The following KIF21A variants were observed in gnomAD, a reference collection of about 807,000 sequenced individuals.
KIF21A encodes the protein kinesin family member 21A.
Under a neutral mutation model 202.9 loss-of-function variants are expected in KIF21A, and 114 were observed. That is an observed-to-expected ratio of 0.56 (90% CI 0.48 to 0.66). KIF21A has a LOEUF of 0.66. Among genes scored for constraint, KIF21A ranks in the 30% least tolerant of loss-of-function variants. The pLI is 0.00. For synonymous variants in KIF21A, 667 were observed against 670.8 expected (o/e 0.99, Z 0.09); for missense variants, 1,677 against 1,994.9 (o/e 0.84, Z 3.04).
intron 31 of KIF21A, among the ~76,000 whole-genome samples, chr12:39,313,778 AAGAC>A (rs1325665195): frequency 2.0e-5 from 3 of 151,934 alleles, no homozygotes; most frequent in African/African-American, 7.2e-5. Flanking sequence ...TTTCAGGAGA[AAGAC>A]AGCGATAGAC....
Position 39,293,816 on chromosome 12 carries a change from T to C in KIF21A, c.*608A>G, listed in dbSNP as rs533862980. 3 of 153,260 alleles carry C rather than the reference T, an allele frequency of 2.0e-5. No homozygotes were observed. Among genetic ancestry groups the C allele is most frequent in the South Asian group, 2.1e-4 (1 of 4,852 alleles). The allele number at this position is 153,260 out of a possible 1,614,324, so 9.5% of individuals were successfully genotyped here. On this transcript the variant is annotated 3_prime_UTR_variant, in exon 38 of 38. Coordinates refer to ENST00000361418, the MANE Select transcript of KIF21A (RefSeq NM_001173464.2). ...CAAAACTTTGGTCAATACAAGTAAA[T>C]GCCAACATTTAACACAAACTGTCTA... is the stretch of plus-strand genomic sequence containing the variant.
intron 32 of KIF21A, among the ~76,000 whole-genome samples, chr12:39,311,120 C>T (rs1428849925): frequency 2.0e-5 from 3 of 151,876 alleles, no homozygotes; most frequent in Admixed American, 1.3e-4. Context: ...ATTTAAATAG[C>T]CTTTTATAGA....
chr12:39,296,668 G>A (rs995419672), intron 37 of KIF21A, among the ~76,000 whole-genome samples: 8 of 152,188 alleles, frequency 5.3e-5, no homozygotes, highest in African/African-American at 1.7e-4. Flanking sequence ...AACATTCCAG[G>A]CCAAAAGAGC....
At position 39,316,072 on chromosome 12, in the gene KIF21A, T is replaced by C. The variant is rs138144868; in HGVS notation, c.3909-102A>G. On this transcript the variant is annotated intron_variant, in intron 29 of 37. Transcript: ENST00000361418. ...ATCAACAGCATGAATAACAGATATA[T>C]AGCAAACATTTCCTTCATAGTGCCC... The C allele has an allele frequency of 4.3e-3, 3,432 of 806,450 alleles. 18 individuals are homozygous for C. Among genetic ancestry groups the C allele is most frequent in the Non-Finnish European group, 6.6e-3 (2,960 of 446,434 alleles). 50.0% of individuals were successfully genotyped at this position (806,450 alleles called of 1,614,324 possible).
intron 37 of KIF21A, among the ~76,000 whole-genome samples, chr12:39,295,691 T>G (rs71449721): frequency 7.2e-6 from 1 of 138,468 alleles, no homozygotes; most frequent in African/African-American, 2.7e-5. Flanking sequence ...GCTTGGGATA[T>G]GTTTTTTTTT....
At chr12:39,353,736 G>A (rs1273199133) in intron 10 of KIF21A, among the ~76,000 whole-genome samples, 2 of 151,924 alleles carry the variant, frequency 1.3e-5, no homozygotes, top group Non-Finnish European at 2.9e-5. Flanking sequence ...TTTGGTAGGG[G>A]CATATCCAAT....
intron 4 of KIF21A, among the ~76,000 whole-genome samples, chr12:39,367,443 C>T (rs1354106360): frequency 9.2e-5 from 14 of 152,168 alleles, no homozygotes; most frequent in Non-Finnish European, 1.8e-4. Context: ...CACTTTGGTA[C>T]AAACTGAGCA....
chr12:39,358,419 A>C (rs1948959579), intron 7 of KIF21A, 46 bp from the exon 8 acceptor site: 9 of 1,497,270 alleles, frequency 6.0e-6, no homozygotes, highest in African/African-American at 1.4e-5. Flanking sequence ...AAAGCACCTA[A>C]AATGCTAAAA....
intron 1 of KIF21A, among the ~76,000 whole-genome samples, chr12:39,408,559 T>C (rs1007498491): frequency 2.6e-5 from 4 of 151,362 alleles, no homozygotes; most frequent in African/African-American, 9.8e-5. Context: ...TAAATGCATA[T>C]TCTCAAACTA....
At chr12:39,328,973 G>A (rs746060781) in intron 24 of KIF21A, among the ~76,000 whole-genome samples, 3 of 152,098 alleles carry the variant, frequency 2.0e-5, no homozygotes, top group Non-Finnish European at 4.4e-5. Flanking sequence ...TCTGTTCATA[G>A]TCTCTCCTCC....
At chr12:39,343,817 C>A (rs1022995360) in intron 12 of KIF21A, among the ~76,000 whole-genome samples, 5 of 152,156 alleles carry the variant, frequency 3.3e-5, no homozygotes, top group Admixed American at 2.6e-4. Context: ...CCCTAGTACC[C>A]AGGTCCTGGC....
intron 1 of KIF21A, among the ~76,000 whole-genome samples, chr12:39,409,339 G>A (rs989621916): frequency 6.6e-6 from 1 of 150,604 alleles, no homozygotes; most frequent in Non-Finnish European, 1.5e-5. Context: ...AGGCAATATA[G>A]TGAGACCTCA....
Position 39,363,109 on chromosome 12 carries a change from G to T in KIF21A, c.1008C>A (p.Leu336=), listed in dbSNP as rs771660427. 6.3e-7 allele frequency: 1 copy of T among 1,599,450 alleles called. No homozygotes were observed. The highest frequency in any genetic ancestry group is 1.1e-5 in the South Asian group (1 of 90,740). Residue 336 remains leucine (L), a synonymous_variant, in exon 7 of 38, where the codon CTC becomes CTA. Coordinates refer to ENST00000361418, the MANE Select transcript of KIF21A (RefSeq NM_001173464.2). ...TCATCTATGCATACCTATTACCCCC[G>T]AGGGAATCCTGTAGTAGTCTTGTTA... ...SKLTRLLQDS[L]GGNSQTIMIA...
chr12:39,301,603 C>G lies in KIF21A; in HGVS notation c.4808G>C (p.Cys1603Ser). ...CCAGACTTTCAAAATGCCCCCTCTG[C>G]AGCCACTGAGCAAAACTGGGTGGTC... ...VPDHPVLLSG[C>S]RGGILKVWNM... is the part of the protein sequence containing the mutation. The change falls in exon 37 of 38, where the codon TGC becomes TCC. Residue 1603 changes from cysteine (C) to serine (S), a missense_variant. Cys to Ser is a moderately radical substitution (Grantham distance 112). Around this residue, in one of 3 missense-constraint regions of KIF21A, gnomAD observed 705 missense variants for 791.9 expected, o/e 0.89. Coordinates refer to ENST00000361418, the MANE Select transcript of KIF21A (RefSeq NM_001173464.2). 1 of 1,614,112 alleles carries G rather than the reference C, an allele frequency of 6.2e-7. No individual in the cohort carries two copies. Among genetic ancestry groups the G allele is most frequent in the Non-Finnish European group, 8.5e-7 (1 of 1,179,990 alleles).
chr12:39,414,456 C>T (rs571603848), intron 1 of KIF21A, among the ~76,000 whole-genome samples: 86 of 152,288 alleles, frequency 5.6e-4, no homozygotes, highest in African/African-American at 2.0e-3. Context: ...ATTTAAAGCT[C>T]TAAATGGCTC....
chr12:39,381,779 A>C (rs1383264214), intron 1 of KIF21A, among the ~76,000 whole-genome samples: 1 of 152,198 alleles, frequency 6.6e-6, no homozygotes, highest in Non-Finnish European at 1.5e-5. Context: ...ATGAGGAGAT[A>C]CCACTTCCAA....
rs554887830 is a variant in KIF21A, at chr12:39,293,779, A to C, written c.*645T>G. ...AGCATTTTAGTCCTGAGCACAGAAT[A>C]TAGTAGAGCTGCAAAACTTTGGTCA... On this transcript the variant is annotated 3_prime_UTR_variant, in exon 38 of 38. Coordinates refer to ENST00000361418, the MANE Select transcript of KIF21A (RefSeq NM_001173464.2). The C allele has an allele frequency of 8.2e-4, 125 of 153,062 alleles. No homozygotes were observed. The highest frequency in any genetic ancestry group is 4.1e-3 in the South Asian group (20 of 4,838). The allele number at this position is 153,062 out of a possible 1,614,324, so 9.5% of individuals were successfully genotyped here.
intron 1 of KIF21A, among the ~76,000 whole-genome samples, chr12:39,420,909 C>A (rs1954202802): frequency 6.6e-6 from 1 of 150,578 alleles, no homozygotes; most frequent in Non-Finnish European, 1.5e-5. Context: ...TTTGAAAGAA[C>A]AACTTTATGA....
In KIF21A at chr12:39,315,239, A is replaced by T; in HGVS notation, c.3949T>A (p.Ser1317Thr). Reference protein sequence around the residue: ...SDSSLSEVHRSSRRGIINPFP... With the variant: ...SDSSLSEVHRTSRRGIINPFP... ...CCTTCCCCTGCCTACCTTCTGGAGG[A>T]TCTGCTGATGATCAGCAAAAATGGC... Residue 1317 changes from serine (S) to threonine (T), a missense_variant and splice_region_variant, in exon 31 of 38, where the codon TCC becomes ACC. Coordinates refer to ENST00000361418, the MANE Select transcript of KIF21A (RefSeq NM_001173464.2). 1.2e-6 allele frequency: 2 copies of T among 1,612,188 alleles called. No homozygotes were observed. Among genetic ancestry groups the T allele is most frequent in the South Asian group, 2.2e-5 (2 of 90,970 alleles).
Sources: gnomAD v4.1 joint callset for allele counts (sites outside exome capture counted in the v4.1 genomes callset) on GRCh38, gnomAD v4.1.1 for gene constraint, gnomAD v4.1.1 regional missense constraint, MANE v1.5 for transcripts, NCBI Gene and HGNC (gene_info 2026-07-23, HGNC 2026-07-21) for gene names.